The following GNA12 variants were observed in gnomAD, a reference collection of about 807,000 sequenced individuals.
GNA12 encodes guanine nucleotide-binding protein subunit alpha-12.
Under a neutral mutation model 26.0 loss-of-function variants are expected in GNA12, and 9 were observed. The ratio of observed to expected loss-of-function variants is 0.35; its 90% CI spans 0.21 to 0.60. GNA12 has a LOEUF of 0.60. Ranked by LOEUF, GNA12 falls within the 20% of genes least tolerant of loss-of-function variation. The probability of loss-of-function intolerance (pLI) is 0.78; values close to 1 mark genes in which losing one functional copy is unlikely to be tolerated. For missense variants in GNA12, 405 were observed against 525.8 expected (o/e 0.77, Z 2.25); for synonymous variants, 264 against 219.6 (o/e 1.20, Z -1.79).
At chr7:2,787,444 T>C (rs1225890816) in intron 2 of GNA12, among the ~76,000 whole-genome samples, 1 of 152,062 alleles carries the variant, frequency 6.6e-6, no homozygotes, top group African/African-American at 2.4e-5. Context: ...CTGGCCCACC[T>C]CCCGTCAGCC....
At chr7:2,797,209 G>T (rs1183552105) in intron 1 of GNA12, among the ~76,000 whole-genome samples, 1 of 152,176 alleles carries the variant, frequency 6.6e-6, no homozygotes, top group African/African-American at 2.4e-5. Flanking sequence ...GCAGTGGCAT[G>T]AACATGGCTC....
intron 2 of GNA12, chr7:2,763,326 A>C: frequency 6.1e-6 from 1 of 164,658 alleles, no homozygotes. Flanking sequence ...TGACGGCACA[A>C]ATGCCGGTGC....
At chr7:2,769,742 A>G (rs1791901203) in intron 2 of GNA12, among the ~76,000 whole-genome samples, 1 of 152,148 alleles carries the variant, frequency 6.6e-6, no homozygotes, top group South Asian at 2.1e-4. Flanking sequence ...CAGAAAAAAC[A>G]AAAACAAACA....
At chr7:2,817,942 A>C (rs1427006466) in intron 1 of GNA12, among the ~76,000 whole-genome samples, 1 of 152,258 alleles carries the variant, frequency 6.6e-6, no homozygotes, top group Non-Finnish European at 1.5e-5. Flanking sequence ...TATTAGTTCC[A>C]AATGTATTAG....
intron 1 of GNA12, among the ~76,000 whole-genome samples, chr7:2,820,401 C>CTTTTTTT (rs35674433): frequency 0.015 from 1,859 of 126,240 alleles, 81 homozygotes; most frequent in African/African-American, 0.052. Context: ...CTCAATAAAG[C>CTTTTTTT]TTTTTTTTTT....
At position 2,762,748 on chromosome 7, in the gene GNA12, G is replaced by A. The variant is rs751185082; in HGVS notation, c.526-29247C>T. ...CCCCATGTCCTCCCTCCCGCAGGAAGTGCACCAGGCCCGTCCTTTCCACCC... is the reference window on the plus strand; with the variant it reads ...CCCCATGTCCTCCCTCCCGCAGGAAATGCACCAGGCCCGTCCTTTCCACCC... On this transcript the variant is annotated intron_variant, in intron 2 of 3. Transcript: ENST00000275364. 3.2e-6 allele frequency: 5 copies of A among 1,553,222 alleles called. No homozygotes were observed. The South Asian group carries it at 6.0e-5, about 19-fold the overall frequency.
intron 2 of GNA12, among the ~76,000 whole-genome samples, chr7:2,751,562 A>C (rs1583235921): frequency 6.6e-6 from 1 of 152,184 alleles, no homozygotes; most frequent in Admixed American, 6.5e-5. Context: ...TGAATTTTGC[A>C]ATAGAAACAA....
At chr7:2,760,178 C>T (rs1240716728) in intron 2 of GNA12, among the ~76,000 whole-genome samples, 3 of 152,228 alleles carry the variant, frequency 2.0e-5, no homozygotes, top group Non-Finnish European at 4.4e-5. Flanking sequence ...CCGCCTCTGC[C>T]TGGGGAAGGA....
intron 2 of GNA12, among the ~76,000 whole-genome samples, chr7:2,791,868 TGAA>T (rs1430316382): frequency 2.6e-5 from 4 of 152,152 alleles, no homozygotes; most frequent in Non-Finnish European, 5.9e-5. Context: ...TCATTTTTTT[TGAA>T]GAATAAAAAG....
intron 2 of GNA12, among the ~76,000 whole-genome samples, chr7:2,768,887 T>C (rs923225199): frequency 6.6e-6 from 1 of 152,210 alleles, no homozygotes; most frequent in Admixed American, 6.5e-5. Flanking sequence ...TACACATTGA[T>C]TGTTTTCCAA....
chr7:2,835,139 T>C (rs918428674), intron 1 of GNA12, among the ~76,000 whole-genome samples: 1 of 152,150 alleles, frequency 6.6e-6, no homozygotes. Context: ...ATGTGAAATT[T>C]AGTAATGAAA....
intron 2 of GNA12, among the ~76,000 whole-genome samples, chr7:2,743,993 G>C (rs1790639330): frequency 6.6e-6 from 1 of 152,208 alleles, no homozygotes; most frequent in South Asian, 2.1e-4. Flanking sequence ...CCATTGCCGA[G>C]ACTTGATTAG....
Position 2,843,884 on chromosome 7 carries a change from A to G in GNA12, c.278T>C (p.Phe93Ser). Residue 93 changes from phenylalanine (F) to serine (S), a missense_variant, in exon 1 of 4, where the codon TTC becomes TCC. Transcript: ENST00000275364. ...GATGTTGTCGAAGATGGTGTCGCGGAACTCCAGCAGCGCCTTCTGGTCGAA... is the reference window on the plus strand; with the variant it reads ...GATGTTGTCGAAGATGGTGTCGCGGGACTCCAGCAGCGCCTTCTGGTCGAA... Reference protein sequence around the residue: ...REFDQKALLEFRDTIFDNILK... With the variant: ...REFDQKALLESRDTIFDNILK... The G allele has an allele frequency of 1.9e-6, 3 of 1,565,196 alleles. No homozygotes were observed. Among genetic ancestry groups the G allele is most frequent in the Non-Finnish European group, 2.6e-6 (3 of 1,156,674 alleles).
chr7:2,836,172 T>C (rs998608749), intron 1 of GNA12: 11 of 213,040 alleles, frequency 5.2e-5, no homozygotes, highest in African/African-American at 1.9e-4. Context: ...GAGGATAGAG[T>C]GAGGTAATGA....
intron 1 of GNA12, among the ~76,000 whole-genome samples, chr7:2,819,427 A>C (rs2644296): frequency 6.6e-6 from 1 of 152,040 alleles, no homozygotes; most frequent in Non-Finnish European, 1.5e-5. Flanking sequence ...AAATGTTTTA[A>C]GTCCCGAAGC....
intron 2 of GNA12, among the ~76,000 whole-genome samples, chr7:2,770,450 T>C (rs758701768): frequency 3.3e-5 from 5 of 151,842 alleles, no homozygotes; most frequent in African/African-American, 4.8e-5. Flanking sequence ...TCCATTGGAG[T>C]TGGCATTAGA....
Position 2,730,918 on chromosome 7 carries a change from T to C in GNA12, c.*263A>G. On this transcript the variant is annotated 3_prime_UTR_variant, in exon 4 of 4. Transcript: ENST00000275364. ...GTAAAAGCAAAGCAAGCTGTGTGAT[T>C]AGGTGTTCCGTATTCACAACATCAT... 1 of 447,530 alleles carries C rather than the reference T, an allele frequency of 2.2e-6. No individual in the cohort carries two copies. The highest frequency in any genetic ancestry group is 5.9e-4 in the Middle Eastern group (1 of 1,688). The allele number at this position is 447,530 out of a possible 1,614,324, so 27.7% of individuals were successfully genotyped here.
At chr7:2,774,365 T>G (rs1583270271) in intron 2 of GNA12, among the ~76,000 whole-genome samples, 1 of 152,302 alleles carries the variant, frequency 6.6e-6, no homozygotes, top group East Asian at 1.9e-4. Context: ...GGTTTTGACT[T>G]TAATCAAGAT....
Position 2,761,738 on chromosome 7 carries a change from A to G in GNA12, c.526-28237T>C, listed in dbSNP as rs558011589. Among the ~76,000 whole-genome samples, 3 of 152,368 alleles carry G rather than the reference A, an allele frequency of 2.0e-5. No individual in the cohort carries two copies. In the South Asian group the frequency reaches 6.2e-4, roughly 32 times the overall value. Reference sequence around the variant, plus strand: ...CTTAAAAAACAATGAAGAGTTGACAAGATGGGCCACTGGAAAATGAAAAGA... The same window carrying G: ...CTTAAAAAACAATGAAGAGTTGACAGGATGGGCCACTGGAAAATGAAAAGA... On this transcript the variant is annotated intron_variant, in intron 2 of 3. Transcript: ENST00000275364.
Sources: allele counts gnomAD v4.1 joint callset (sites outside exome capture counted in the v4.1 genomes callset), GRCh38; gene constraint gnomAD v4.1.1; transcripts MANE v1.5; gene names NCBI Gene and HGNC (gene_info 2026-07-23, HGNC 2026-07-21).